ZZZ3: variants seen among roughly 807,000 people sequenced by gnomAD.
The protein encoded by ZZZ3 is ZZ-type zinc finger-containing protein 3.
A neutral mutation model predicts 95.2 loss-of-function variants in ZZZ3; 22 were observed. That is an observed-to-expected ratio of 0.23 (90% CI 0.17 to 0.33). The LOEUF is 0.33. Among genes scored for constraint, ZZZ3 ranks in the 10% least tolerant of loss-of-function variants. The pLI, the probability that ZZZ3 is intolerant of heterozygous loss-of-function variation, is 1.00. For synonymous variants in ZZZ3, 335 were observed against 358.9 expected (o/e 0.93, Z 0.75); for missense variants, 885 against 1,066.5 (o/e 0.83, Z 2.37).
At chr1:77,676,859 G>A (rs1272374753) in intron 1 of ZZZ3, 1 of 152,008 alleles carries the variant, frequency 6.6e-6, no homozygotes, top group African/African-American at 2.4e-5. Flanking sequence ...ATTTAACAGA[G>A]TTGAGAAAAT....
Position 77,563,575 on chromosome 1 carries a change from T to C in ZZZ3, c.*2065A>G, listed in dbSNP as rs529152554. On this transcript the variant is annotated 3_prime_UTR_variant, in exon 15 of 15. Transcript: ENST00000370801. The stretch of plus-strand genomic sequence containing the variant: ...AACAATTGTATCACTCATATCCCTC[T>C]TCCAAAGCATACATCATACTTTATG... 6.6e-6 allele frequency: 1 copy of C among 152,332 alleles called. No homozygotes were observed. Among genetic ancestry groups the C allele is most frequent in the East Asian group, 1.9e-4 (1 of 5,192 alleles). 9.4% of individuals were successfully genotyped at this position (152,332 alleles called of 1,614,324 possible).
chr1:77,637,885 A>G (rs1557751245), intron 4 of ZZZ3, among the ~76,000 whole-genome samples: 1 of 152,248 alleles, frequency 6.6e-6, no homozygotes, highest in Non-Finnish European at 1.5e-5. Context: ...ATCTCAGGAA[A>G]TAACCCTGTT....
chr1:77,633,031 T>C lies in ZZZ3; in HGVS notation c.324A>G (p.Gln108=), dbSNP rs918777661. 2 of 1,613,982 alleles carry C rather than the reference T, an allele frequency of 1.2e-6. No individual in the cohort carries two copies. The highest frequency in any genetic ancestry group is 1.7e-5 in the Admixed American group (1 of 60,018). The change falls in exon 5 of 15, where the codon CAA becomes CAG. Residue 108 remains glutamine (Q), a synonymous_variant. Transcript: ENST00000370801. ...TTAAAACTGGTGAAACAGGTTCTGT[T>C]TGCCTTCTCTCACAATTTTCTATAG... ...RQAIENCERR[Q]TEPVSPVLKR...
chr1:77,599,012 G>C (rs1664478777), intron 5 of ZZZ3, among the ~76,000 whole-genome samples: 1 of 152,090 alleles, frequency 6.6e-6, no homozygotes, highest in African/African-American at 2.4e-5. Context: ...GAGGAGGCTG[G>C]AGAGACGACA....
In ZZZ3 at chr1:77,565,576, A is replaced by G; in HGVS notation, c.*64T>C. On this transcript the variant is annotated 3_prime_UTR_variant, in exon 15 of 15. Coordinates refer to ENST00000370801, the MANE Select transcript of ZZZ3 (RefSeq NM_015534.6). The stretch of plus-strand genomic sequence containing the variant: ...CAGAGAATCTTTCCAAACTGTGCAC[A>G]TAATTAACAATGATACCATTGCTAT... 6.5e-7 allele frequency: 1 copy of G among 1,532,692 alleles called. No homozygotes were observed. The allele number at this position is 1,532,692 out of a possible 1,614,324, so 94.9% of individuals were successfully genotyped here. A position where few individuals can be genotyped will look rare whatever the true frequency, so the allele number is the denominator to read the frequency against.
intron 12 of ZZZ3, among the ~76,000 whole-genome samples, chr1:77,569,968 C>T (rs140369840): frequency 2.0e-5 from 3 of 152,296 alleles, no homozygotes; most frequent in East Asian, 3.9e-4. Flanking sequence ...TTCCCAATCC[C>T]GGACCAGACA....
intron 1 of ZZZ3, among the ~76,000 whole-genome samples, chr1:77,660,093 A>G (rs1268275431): frequency 6.6e-6 from 1 of 152,102 alleles, no homozygotes; most frequent in Non-Finnish European, 1.5e-5. Flanking sequence ...CAACCTCCCA[A>G]AGAGCTGGGA....
intron 12 of ZZZ3, among the ~76,000 whole-genome samples, chr1:77,573,958 A>G (rs1183339449): frequency 1.3e-5 from 2 of 151,706 alleles, no homozygotes; most frequent in African/African-American, 2.4e-5. Context: ...AACAGCAACA[A>G]AAAGAAATCC....
chr1:77,565,437 C>T lies in ZZZ3; in HGVS notation c.*203G>A, dbSNP rs1660730515. On this transcript the variant is annotated 3_prime_UTR_variant, in exon 15 of 15. Transcript: ENST00000370801. ...GAAAAATTCACCAGGGAAACCTTTG[C>T]TCACCAGGAATGTTCAGCTGCTGAA... The T allele has an allele frequency of 4.3e-6, 2 of 466,264 alleles. No homozygotes were observed. The highest frequency in any genetic ancestry group is 7.4e-6 in the Non-Finnish European group (2 of 271,366). 28.9% of individuals were successfully genotyped at this position (466,264 alleles called of 1,614,324 possible).
chr1:77,662,618 A>T (rs1169577418), intron 1 of ZZZ3, among the ~76,000 whole-genome samples: 1 of 152,180 alleles, frequency 6.6e-6, no homozygotes, highest in African/African-American at 2.4e-5. Context: ...CTAATCTCTT[A>T]AAAAATGTCA....
intron 1 of ZZZ3, among the ~76,000 whole-genome samples, chr1:77,663,578 A>C (rs976683558): frequency 6.6e-6 from 1 of 152,172 alleles, no homozygotes; most frequent in Non-Finnish European, 1.5e-5. Context: ...TAAGGCCAAC[A>C]TTGTAAATGT....
intron 12 of ZZZ3, 65 bp from the exon 13 acceptor site, chr1:77,568,531 TAC>T (rs1204255548): frequency 1.2e-6 from 1 of 803,992 alleles, no homozygotes; most frequent in East Asian, 3.2e-5. Flanking sequence ...GTGTAAGTAA[TAC>T]TGATACAGAA....
chr1:77,635,066 C>A (rs2100864215), intron 4 of ZZZ3, among the ~76,000 whole-genome samples: 1 of 152,244 alleles, frequency 6.6e-6, no homozygotes, highest in South Asian at 2.1e-4. Flanking sequence ...AACACAATTT[C>A]TCCTTGCTTC....
At chr1:77,650,839 C>A (rs1570610399) in intron 1 of ZZZ3, among the ~76,000 whole-genome samples, 1 of 151,788 alleles carries the variant, frequency 6.6e-6, no homozygotes, top group South Asian at 2.1e-4. Flanking sequence ...TCATCAGGAA[C>A]AAAATTATCA....
chr1:77,568,464 A>G lies in ZZZ3; in HGVS notation c.2334T>C (p.Asp778=), dbSNP rs150376743. 334 of 1,005,136 alleles carry G rather than the reference A, an allele frequency of 3.3e-4. 2 individuals carry two copies. Among genetic ancestry groups the G allele is most frequent in the Middle Eastern group, 1.3e-3 (4 of 3,062 alleles). The allele number at this position is 1,005,136 out of a possible 1,614,324, so 62.3% of individuals were successfully genotyped here. Residue 778 remains aspartate, a splice_region_variant and synonymous_variant, in exon 13 of 15, where the codon GAT becomes GAC. Transcript: ENST00000370801. ...TATACATGATAGGAATACTTTCGTC[A>G]TCCTATCAAAAAAAAAAAAAAAAAA... ...HMNTAVEDAS[D]DESIPIMYRN...
intron 1 of ZZZ3, among the ~76,000 whole-genome samples, chr1:77,669,959 AAT>A (rs1273706203): frequency 6.6e-6 from 1 of 152,146 alleles, no homozygotes; most frequent in Non-Finnish European, 1.5e-5. Context: ...GGATTGAGGT[AAT>A]AGTTGCATGG....
chr1:77,576,241 T>A, intron 11 of ZZZ3, 21 bp from the exon 12 acceptor site: 1 of 1,555,666 alleles, frequency 6.4e-7, no homozygotes, highest in Non-Finnish European at 8.7e-7. Context: ...AAACAAATTT[T>A]TAATTGGTTC....
intron 5 of ZZZ3, among the ~76,000 whole-genome samples, chr1:77,597,722 G>A (rs1387876735): frequency 6.6e-6 from 1 of 151,988 alleles, no homozygotes; most frequent in African/African-American, 2.4e-5. Flanking sequence ...GAACTGTTCA[G>A]ATCAACAACA....
chr1:77,621,136 T>C (rs1033676556), intron 5 of ZZZ3, among the ~76,000 whole-genome samples: 98 of 152,202 alleles, frequency 6.4e-4, no homozygotes, highest in African/African-American at 2.3e-3. Flanking sequence ...AGTGAGATTC[T>C]AGATCTAAAT....
Sources: gnomAD v4.1 joint callset for allele counts (sites outside exome capture counted in the v4.1 genomes callset) on GRCh38, gnomAD v4.1.1 for gene constraint, MANE v1.5 for transcripts, NCBI Gene and HGNC (gene_info 2026-07-23, HGNC 2026-07-21) for gene names.